The following GCN1 variants were observed in gnomAD, a reference collection of about 807,000 sequenced individuals.
GCN1 encodes GCN1 activator of EIF2AK4.
Under a neutral mutation model 288.4 loss-of-function variants are expected in GCN1, and 90 were observed. The ratio of observed to expected loss-of-function variants is 0.31; its 90% CI spans 0.26 to 0.37. The LOEUF is 0.37. Among genes scored for constraint, GCN1 ranks in the 10% least tolerant of loss-of-function variants. The pLI is 1.00. For missense variants in GCN1, 2,586 were observed against 3,419.9 expected (o/e 0.76, Z 6.08); for synonymous variants, 1,386 against 1,420.2 (o/e 0.98, Z 0.54).
intron 1 of GCN1, among the ~76,000 whole-genome samples, chr12:120,192,460 G>A (rs1879033416): frequency 6.6e-6 from 1 of 152,234 alleles, no homozygotes; most frequent in Non-Finnish European, 1.5e-5. Flanking sequence ...GGGTGCAGTG[G>A]CTCACGCCTG....
intron 1 of GCN1, 89 bp downstream of exon 1, chr12:120,194,591 C>T (rs1879111180): frequency 1.6e-6 from 2 of 1,250,192 alleles, no homozygotes; most frequent in African/African-American, 1.6e-5. Flanking sequence ...TCCAACGCCC[C>T]TAAGCCGAGG....
intron 42 of GCN1, among the ~76,000 whole-genome samples, chr12:120,143,740 A>G (rs909446287): frequency 9.2e-5 from 14 of 152,232 alleles, no homozygotes; most frequent in African/African-American, 3.4e-4. Flanking sequence ...ATATATTCCC[A>G]TAAGTAAAAT....
At position 120,155,289 on chromosome 12, in the gene GCN1, C is replaced by A; in HGVS notation, c.3582G>T (p.Ala1194=). 6.2e-7 allele frequency: 1 copy of A among 1,614,198 alleles called. No individual in the cohort carries two copies. The highest frequency in any genetic ancestry group is 8.5e-7 in the Non-Finnish European group (1 of 1,180,040). Reference sequence around the variant, plus strand: ...CCATGAGCCTGCCCATAACCTCCGCCGCCTGCCGCTGGTAACGTGCCACTG... The same window carrying A: ...CCATGAGCCTGCCCATAACCTCCGCAGCCTGCCGCTGGTAACGTGCCACTG... The part of the protein sequence containing the change: ...SQAVARYQRQ[A]AEVMGRLMEI... Residue 1194 remains alanine, a synonymous_variant, in exon 30 of 58, where the codon GCG becomes GCT. Coordinates refer to ENST00000300648, the MANE Select transcript of GCN1 (RefSeq NM_006836.2). The surrounding 1 kb of genome is among the most constrained non-coding windows in gnomAD (Gnocchi z 4.9).
chr12:120,159,792 G>A, intron 24 of GCN1, 33 bp downstream of exon 24: 1 of 1,594,526 alleles, frequency 6.3e-7, no homozygotes, highest in Non-Finnish European at 8.6e-7. Context: ...GGCACCCCTG[G>A]GCCATCCCTG....
intron 42 of GCN1, among the ~76,000 whole-genome samples, chr12:120,143,289 T>G (rs1191774074): frequency 6.6e-6 from 1 of 152,106 alleles, no homozygotes; most frequent in Admixed American, 6.5e-5. Context: ...CCTTAAAGGA[T>G]AAACTATTTC....
Position 120,144,654 on chromosome 12 carries a change from G to C in GCN1, c.5337C>G (p.Ile1779Met). 1 of 1,613,852 alleles carries C rather than the reference G, an allele frequency of 6.2e-7. No homozygotes were observed. Among genetic ancestry groups the C allele is most frequent in the Non-Finnish European group, 8.5e-7 (1 of 1,179,678 alleles). ...TGGTACCTACTTTGAGGATACAGGG[G>C]ATGATGGGCCCCACATAAGGAGTAA... ...DKFTPYVGPI[I>M]PCILKALADE... Residue 1779 changes from isoleucine (I) to methionine (M), a missense_variant, in exon 41 of 58, where the codon ATC becomes ATG. Around this residue, in one of 8 missense-constraint regions of GCN1, gnomAD observed 371 missense variants for 572.6 expected, o/e 0.65. Coordinates refer to ENST00000300648, the MANE Select transcript of GCN1 (RefSeq NM_006836.2). The surrounding 1 kb of genome is among the most constrained non-coding windows in gnomAD (Gnocchi z 4.7).
chr12:120,140,690 G>T (rs1306620042), intron 45 of GCN1, among the ~76,000 whole-genome samples, 169 bp downstream of exon 45: 2 of 152,170 alleles, frequency 1.3e-5, no homozygotes, highest in Admixed American at 1.3e-4. Context: ...TGAGAAGACG[G>T]AGCCTCAAGT....
chr12:120,132,791 A>G (rs1290899733), intron 53 of GCN1, among the ~76,000 whole-genome samples: 2 of 152,212 alleles, frequency 1.3e-5, no homozygotes, highest in African/African-American at 4.8e-5. Flanking sequence ...TCAATAACCC[A>G]AAAAGCTAAT....
rs1441540184 is a variant in GCN1, at chr12:120,148,341, C to T, written c.4552G>A (p.Val1518Met). The T allele has an allele frequency of 6.2e-7, 1 of 1,612,746 alleles. No homozygotes were observed. The highest frequency in any genetic ancestry group is 1.7e-5 in the Admixed American group (1 of 59,938). The change falls in exon 37 of 58, where the codon GTG (valine) becomes ATG (methionine). Residue 1518 changes from valine (V) to methionine (M), a missense_variant. Physicochemically the swap from Val to Met is conservative, Grantham distance 21 (BLOSUM62 1). Around this residue, in one of 8 missense-constraint regions of GCN1, gnomAD observed 371 missense variants for 572.6 expected, o/e 0.65. Transcript: ENST00000300648. ...EESWRTKAGS[V>M]ELLGAMAYCA... ...TACGCCATTGCCCCAAGAAGCTCCACTGACCCTGTGGATAGCAGACACAAG... is the reference window on the plus strand; with the variant it reads ...TACGCCATTGCCCCAAGAAGCTCCATTGACCCTGTGGATAGCAGACACAAG...
chr12:120,158,175 G>C lies in GCN1; in HGVS notation c.2906-145C>G. 1.3e-6 allele frequency: 1 copy of C among 758,668 alleles called. No individual in the cohort carries two copies. The highest frequency in any genetic ancestry group is 2.1e-6 in the Non-Finnish European group (1 of 474,072). 47.0% of individuals were successfully genotyped at this position (758,668 alleles called of 1,614,324 possible). A position where few individuals can be genotyped will look rare whatever the true frequency, so the allele number is the denominator to read the frequency against. On this transcript the variant is annotated intron_variant, in intron 25 of 57. Transcript: ENST00000300648. The surrounding 1 kb of genome is among the most constrained non-coding windows in gnomAD (Gnocchi z 4.3). ...TGGAAGCACATGGCACGAGGACAGA[G>C]ACAGCAGCTGGTAGTCCAGTTCTAA...
At position 120,177,569 on chromosome 12, in the gene GCN1, G is replaced by A. The variant is rs766487251; in HGVS notation, c.730-14C>T. On this transcript the variant is annotated splice_polypyrimidine_tract_variant and intron_variant, in intron 8 of 57. Transcript: ENST00000300648. ...GGCACAGCTATCCTACAAAGAAAAAGGAATAAGGCACCTAGCCCTCATGGG... is the reference window on the plus strand; with the variant it reads ...GGCACAGCTATCCTACAAAGAAAAAAGAATAAGGCACCTAGCCCTCATGGG... 3.2e-6 allele frequency: 5 copies of A among 1,579,236 alleles called. No individual in the cohort carries two copies. The highest frequency in any genetic ancestry group is 4.4e-6 in the Non-Finnish European group (5 of 1,148,278).
At chr12:120,159,250 T>A (rs755301312) in intron 24 of GCN1, among the ~76,000 whole-genome samples, 1 of 152,192 alleles carries the variant, frequency 6.6e-6, no homozygotes, top group Non-Finnish European at 1.5e-5. Context: ...GTGACACTTC[T>A]GGCAGGTTTC....
chr12:120,188,599 A>G (rs1386164199), intron 2 of GCN1, among the ~76,000 whole-genome samples: 1 of 152,106 alleles, frequency 6.6e-6, no homozygotes, highest in African/African-American at 2.4e-5. Context: ...GCGGTGGCTC[A>G]CACCTGTAAT....
Position 120,142,910 on chromosome 12 carries a change from G to A in GCN1, c.5527C>T (p.Leu1843=). ...CCAGTGACTCCTGAGATGTGAAACA[G>A]GAGATCCCCAAGGAGCTGAACAGAG... ...FSSVQLLGDL[L]FHISGVTGKM... Residue 1843 remains leucine, a synonymous_variant, in exon 43 of 58, where the codon CTG becomes TTG. Transcript: ENST00000300648. This position sits in a 1 kb window ranked among gnomAD's most constrained non-coding sequence, Gnocchi z 4.9. 6.2e-7 allele frequency: 1 copy of A among 1,613,564 alleles called. No homozygotes were observed. The highest frequency in any genetic ancestry group is 8.5e-7 in the Non-Finnish European group (1 of 1,179,464).
Position 120,142,985 on chromosome 12 carries a change from G to A in GCN1, c.5496-44C>T, listed in dbSNP as rs187168718. ...ACACAGTCACACAGCTGCAAGGAGT[G>A]GGCTCGGCACAACTGAGCACTGCAC... is the stretch of plus-strand genomic sequence containing the variant. On this transcript the variant is annotated intron_variant, in intron 42 of 57. Coordinates refer to ENST00000300648, the MANE Select transcript of GCN1 (RefSeq NM_006836.2). The surrounding 1 kb of genome is among the most constrained non-coding windows in gnomAD (Gnocchi z 4.9). 8.3e-7 allele frequency: 1 copy of A among 1,198,508 alleles called. No homozygotes were observed. The highest frequency in any genetic ancestry group is 1.2e-5 in the South Asian group (1 of 82,596). 74.2% of individuals were successfully genotyped at this position (1,198,508 alleles called of 1,614,324 possible). A position where few individuals can be genotyped will look rare whatever the true frequency, so the allele number is the denominator to read the frequency against.
rs764123227 is a variant in GCN1 at position 120,144,815 on chromosome 12, C to T, written c.5176G>A (p.Gly1726Ser). ...TTCTCCAACTTCTCCACCCCCAAAC[C>T]GGCCATGACCTCAGCCAACCCTGCA... ...AAQGLAEVMA[G>S]LGVEKLEKLM... The change falls in exon 41 of 58, where the codon GGT becomes AGT. Residue 1726 changes from glycine to serine, a missense_variant. Gly to Ser is a moderately conservative substitution (Grantham distance 56). Transcript: ENST00000300648. The surrounding 1 kb of genome is among the most constrained non-coding windows in gnomAD (Gnocchi z 4.7). 57 of 1,614,154 alleles carry T rather than the reference C, an allele frequency of 3.5e-5. No homozygotes were observed. The highest frequency in any genetic ancestry group is 5.5e-5 in the South Asian group (5 of 91,080).
Position 120,142,695 on chromosome 12 carries a change from G to C in GCN1, c.5641C>G (p.Arg1881Gly). Residue 1881 changes from arginine (R) to glycine (G), a missense_variant, in exon 44 of 58, where the codon CGG (arginine) becomes GGG (glycine). Arg to Gly is a moderately radical substitution (Grantham distance 125, BLOSUM62 -2). Transcript: ENST00000300648. This position sits in a 1 kb window ranked among gnomAD's most constrained non-coding sequence, Gnocchi z 4.9. ...KAIITALGVERRNRVLAGLYM... is the reference protein window; with the variant it reads ...KAIITALGVEGRNRVLAGLYM... The stretch of plus-strand genomic sequence containing the variant: ...AGCCCTGCCAACACCCGGTTCCGCC[G>C]CTCTACCCCCAGGGCAGTGATGATC... 6.2e-7 allele frequency: 1 copy of C among 1,614,050 alleles called. No individual in the cohort carries two copies. The highest frequency in any genetic ancestry group is 1.1e-5 in the South Asian group (1 of 91,082).
At position 120,153,876 on chromosome 12, in the gene GCN1, G is replaced by A. The variant is rs1877652263; in HGVS notation, c.3735C>T (p.Ser1245=). The change falls in exon 32 of 58, where the codon TCC becomes TCT. Residue 1245 remains serine, a synonymous_variant. Coordinates refer to ENST00000300648, the MANE Select transcript of GCN1 (RefSeq NM_006836.2). This position sits in a 1 kb window ranked among gnomAD's most constrained non-coding sequence, Gnocchi z 4.4. The stretch of plus-strand genomic sequence containing the variant: ...TCACCTGAGAGCTGTCCAAATACTG[G>A]GAGAGCTTGTTGAGGGCCAACGCCA... The part of the protein sequence containing the change: ...CGLALALNKL[S]QYLDSSQVKP... The A allele has an allele frequency of 1.2e-6, 2 of 1,614,018 alleles. No homozygotes were observed. Among genetic ancestry groups the A allele is most frequent in the Admixed American group, 1.7e-5 (1 of 59,988 alleles).
chr12:120,142,012 AG>A lies in GCN1; in HGVS notation c.5829+494del, dbSNP rs533976393. On this transcript the variant is annotated intron_variant, in intron 44 of 57. Transcript: ENST00000300648. This position sits in a 1 kb window ranked among gnomAD's most constrained non-coding sequence, Gnocchi z 4.9. ...GTCCCCAGGTGCTAGGCCCCTGCTT[AG>A]TGCACAGGAGATGCTAATAAATATT... 6.6e-6 allele frequency among the ~76,000 whole-genome samples: 1 copy of A among 152,178 alleles called. No homozygotes were observed. Among genetic ancestry groups the A allele is most frequent in the South Asian group, 2.1e-4 (1 of 4,832 alleles).
Sources: gnomAD v4.1 joint callset for allele counts (sites outside exome capture counted in the v4.1 genomes callset) on GRCh38, gnomAD v4.1.1 for gene constraint, gnomAD v4.1.1 regional missense constraint, Gnocchi (gnomAD v3.1) non-coding constraint, MANE v1.5 for transcripts, NCBI Gene and HGNC (gene_info 2026-07-23, HGNC 2026-07-21) for gene names.